ALOX15: variants seen among roughly 807,000 people sequenced by gnomAD.
The protein encoded by ALOX15 is arachidonate 15-lipoxygenase, also known as polyunsaturated fatty acid lipoxygenase ALOX15.
ALOX15 carries 68 observed loss-of-function variants against 71.7 expected under a neutral mutation model. The ratio of observed to expected loss-of-function variants is 0.95; its 90% CI spans 0.78 to 1.16. ALOX15 has a LOEUF of 1.16. ALOX15 is among the 50% of genes most tolerant of loss of function. ALOX15 has a pLI of 0.00. For synonymous variants in ALOX15, 346 were observed against 333.3 expected (o/e 1.04, Z -0.42); for missense variants, 798 against 818.8 (o/e 0.97, Z 0.31).
rs1040815472 is a variant in ALOX15 at position 4,631,487 on chromosome 17, GGAGGGTGGGACATGGGAA to G, written c.*95_*112del. 3.0e-6 allele frequency: 4 copies of G among 1,329,140 alleles called. No individual in the cohort carries two copies. Among genetic ancestry groups the G allele is most frequent in the Non-Finnish European group, 3.1e-6 (3 of 975,204 alleles). 82.3% of individuals were successfully genotyped at this position (1,329,140 alleles called of 1,614,324 possible). On this transcript the variant is annotated 3_prime_UTR_variant, in exon 14 of 14. Transcript: ENST00000293761. ...AGACCATGAAAAGGTGCCCCTCTAG[GGAGGGTGGGACATGGGAA>G]GAGGGTGGGACTTGGGAGGGCAGGG... is the stretch of plus-strand genomic sequence containing the variant.
chr17:4,641,442 C>G lies in ALOX15; in HGVS notation c.135+75G>C, dbSNP rs534970264. The stretch of plus-strand genomic sequence containing the variant: ...AGAATCGGCCAGAGGCCAACGGGGG[C>G]GCATGTCCTCCCCGGTATTTGACTG... On this transcript the variant is annotated intron_variant, in intron 1 of 13. Coordinates refer to ENST00000293761, the MANE Select transcript of ALOX15 (RefSeq NM_001140.5). The G allele has an allele frequency of 8.4e-6, 13 of 1,547,178 alleles. No individual in the cohort carries two copies. The Admixed American group carries it at 2.5e-4, about 30-fold the overall frequency.
chr17:4,638,518 G>T (rs1049576953), intron 5 of ALOX15, 63 bp downstream of exon 5: 31 of 1,546,314 alleles, frequency 2.0e-5, no homozygotes, highest in Non-Finnish European at 2.8e-5. Context: ...CAATTCCCCT[G>T]GGTTGGGTGG....
chr17:4,631,863 T>TA (rs772990092), intron 13 of ALOX15, 26 bp downstream of exon 13: 1 of 1,607,696 alleles, frequency 6.2e-7, no homozygotes, highest in Non-Finnish European at 8.5e-7. Context: ...CCTCCTTCCT[T>TA]AGGGCCCTGG....
chr17:4,641,158 A>C (rs1911310976), intron 1 of ALOX15, among the ~76,000 whole-genome samples: 1 of 151,164 alleles, frequency 6.6e-6, no homozygotes, highest in African/African-American at 2.4e-5. Flanking sequence ...AAAGGTAGAG[A>C]TCCAACAGCG....
At position 4,634,023 on chromosome 17, in the gene ALOX15, T is replaced by C. The variant is rs1040501689; in HGVS notation, c.1162-523A>G. Reference sequence around the variant, plus strand: ...AATAAGGGAACAACAGACACCAGCATCTACTTGTGGACAGAGGGTGGAAGG... The same window carrying C: ...AATAAGGGAACAACAGACACCAGCACCTACTTGTGGACAGAGGGTGGAAGG... On this transcript the variant is annotated intron_variant, in intron 8 of 13. Coordinates refer to ENST00000293761, the MANE Select transcript of ALOX15 (RefSeq NM_001140.5). 3.3e-5 allele frequency among the ~76,000 whole-genome samples: 5 copies of C among 152,200 alleles called. No homozygotes were observed. The East Asian group carries it at 5.8e-4, about 18-fold the overall frequency.
At chr17:4,637,040 C>T (rs1366303780) in intron 7 of ALOX15, 75 bp downstream of exon 7, 8 of 1,528,626 alleles carry the variant, frequency 5.2e-6, no homozygotes, top group African/African-American at 1.4e-5. Flanking sequence ...GCAGATGGTG[C>T]TCAGTAAATT....
rs1449229152 is a variant in ALOX15 at position 4,638,649 on chromosome 17, A to T, written c.578T>A (p.Val193Asp). The T allele has an allele frequency of 6.2e-7, 1 of 1,614,182 alleles. No individual in the cohort carries two copies. The highest frequency in any genetic ancestry group is 1.3e-5 in the African/African-American group (1 of 75,042). ...ADLAIKDSLNVLTCWKDLDDF... is the reference protein window; with the variant it reads ...ADLAIKDSLNDLTCWKDLDDF... ...ATCTAGATCCTTCCAGCAAGTCAGAACATTTAGAGAGTCTTTGATAGCGAG... is the reference window on the plus strand; with the variant it reads ...ATCTAGATCCTTCCAGCAAGTCAGATCATTTAGAGAGTCTTTGATAGCGAG... The change falls in exon 5 of 14, where the codon GTT becomes GAT. Residue 193 changes from valine to aspartate, a missense_variant. Physicochemically the swap from Val to Asp is radical, Grantham distance 152. Transcript: ENST00000293761.
chr17:4,634,336 T>A (rs1911016415), intron 8 of ALOX15, among the ~76,000 whole-genome samples: 2 of 152,286 alleles, frequency 1.3e-5, no homozygotes, highest in South Asian at 4.2e-4. Context: ...GGAGTCTTGC[T>A]CTGTTTCCCA....
In ALOX15 at chr17:4,633,218, T is replaced by C; in HGVS notation, c.1346A>G (p.Asp449Gly). The C allele has an allele frequency of 6.2e-7, 1 of 1,614,096 alleles. No individual in the cohort carries two copies. The highest frequency in any genetic ancestry group is 8.5e-7 in the Non-Finnish European group (1 of 1,180,030). Residue 449 changes from aspartate (D) to glycine (G), a missense_variant, in exon 10 of 14, where the codon GAC becomes GGC. Transcript: ENST00000293761. ...AGACTTCACTCCCAGGAGCCCCCGG[T>C]CGGCCAAGTCATCAGGGGGACAGAA... ...SSFCPPDDLA[D>G]RGLLGVKSSF... is the part of the protein sequence containing the mutation.
rs370512163 is a variant in ALOX15 at position 4,639,169 on chromosome 17, G to C, written c.338-37C>G. ...GAGGAGGACTTGGCCAGTGACTTTT[G>C]GTGAGCGCCTCTTCTTGTCTCTGCC... On this transcript the variant is annotated intron_variant, in intron 2 of 13. Coordinates refer to ENST00000293761, the MANE Select transcript of ALOX15 (RefSeq NM_001140.5). The C allele has an allele frequency of 4.4e-5, 71 of 1,611,048 alleles. No individual in the cohort carries two copies. In the African/African-American group the frequency reaches 9.2e-4, roughly 21 times the overall value.
chr17:4,631,881 G>A lies in ALOX15; in HGVS notation c.1809+8C>T. 2 of 1,609,822 alleles carry A rather than the reference G, an allele frequency of 1.2e-6. No homozygotes were observed. The highest frequency in any genetic ancestry group is 1.3e-5 in the African/African-American group (1 of 75,010). On this transcript the variant is annotated splice_region_variant and intron_variant, in intron 13 of 13. Coordinates refer to ENST00000293761, the MANE Select transcript of ALOX15 (RefSeq NM_001140.5). ...CCTTCCTTAGGGCCCTGGGCACTCA[G>A]CTCTCACCATAACGGGCTGGCGTCT...
At chr17:4,632,827 G>A (rs1349452078) in intron 11 of ALOX15, 34 bp downstream of exon 11, 1 of 1,613,654 alleles carries the variant, frequency 6.2e-7, no homozygotes, top group Non-Finnish European at 8.5e-7. Context: ...CTTGGGCTTT[G>A]TGTCTGAGAT....
Position 4,633,325 on chromosome 17 carries a change from G to GAGGGTGAGC in ALOX15, c.1249-19_1249-11dup. On this transcript the variant is annotated splice_polypyrimidine_tract_variant and intron_variant, in intron 9 of 13. Transcript: ENST00000293761. ...CACCAGTGCTCATTATCTGAGAAGT[G>GAGGGTGAGC]AGGGTGAGCAGGGTCAGGCGAATCG... 3.7e-6 allele frequency: 6 copies of GAGGGTGAGC among 1,612,778 alleles called. No individual in the cohort carries two copies. Among genetic ancestry groups the GAGGGTGAGC allele is most frequent in the Non-Finnish European group, 4.2e-6 (5 of 1,178,950 alleles).
chr17:4,632,433 GGGGAGTGGGGAGCTCTGCC>G, intron 11 of ALOX15, 152 bp from the exon 12 acceptor site: 2 of 696,650 alleles, frequency 2.9e-6, no homozygotes, highest in East Asian at 5.5e-5. Context: ...GGTTGGGGTG[GGGGAGTGGGGAGCTCTGCC>G]GGGAGGGTCC....
chr17:4,631,392 G>GAGGA lies in ALOX15; in HGVS notation c.*204_*207dup. The GAGGA allele has an allele frequency of 1.7e-6, 1 of 582,458 alleles. No homozygotes were observed. Among genetic ancestry groups the GAGGA allele is most frequent in the South Asian group, 2.4e-5 (1 of 41,912 alleles). 36.1% of individuals were successfully genotyped at this position (582,458 alleles called of 1,614,324 possible). On this transcript the variant is annotated 3_prime_UTR_variant, in exon 14 of 14. Coordinates refer to ENST00000293761, the MANE Select transcript of ALOX15 (RefSeq NM_001140.5). ...AGAGAGAGGAAGGAAGATAGGAAAG[G>GAGGA]AGGAAGGAAGGAAAGAGGAGTAAGG... is the stretch of plus-strand genomic sequence containing the variant.
At chr17:4,635,684 G>A in intron 8 of ALOX15, 75 bp downstream of exon 8, 1 of 1,425,330 alleles carries the variant, frequency 7.0e-7, no homozygotes, top group Non-Finnish European at 9.9e-7. Context: ...CCCACAGAGA[G>A]GGAGCCTCCA....
intron 1 of ALOX15, among the ~76,000 whole-genome samples, chr17:4,641,038 G>A (rs9903172): frequency 0.53 from 79,115 of 149,058 alleles, 22,368 homozygotes; most frequent in East Asian, 0.67. Context: ...CCCGGTAGAT[G>A]TGACATGAGA....
intron 13 of ALOX15, 36 bp downstream of exon 13, chr17:4,631,853 C>T (rs527725794): frequency 1.2e-6 from 2 of 1,607,186 alleles, no homozygotes; most frequent in South Asian, 1.1e-5. Flanking sequence ...CCCACAGCTG[C>T]CTCCTTCCTT....
rs781382881 is a variant in ALOX15 at position 4,633,180 on chromosome 17, G to A, written c.1384C>T (p.Gln462Ter). 2 of 1,614,112 alleles carry A rather than the reference G, an allele frequency of 1.2e-6. No individual in the cohort carries two copies. Among genetic ancestry groups the A allele is most frequent in the Admixed American group, 3.3e-5 (2 of 60,022 alleles). ...LLGVKSSFYA[Q>*]DALRLWEIIY... ...ATTTCCCAGAGCCGCAGCGCATCTT[G>A]GGCATAGAAGGAAGACTTCACTCCC... The change falls in exon 10 of 14, where the codon CAA becomes TAA. Residue 462 changes from glutamine to a stop codon, truncating the protein, a stop_gained. Transcript: ENST00000293761. LOFTEE classifies it high-confidence loss of function.
Sources: gnomAD v4.1 joint callset for allele counts (sites outside exome capture counted in the v4.1 genomes callset) on GRCh38, gnomAD v4.1.1 for gene constraint, MANE v1.5 for transcripts, NCBI Gene and HGNC (gene_info 2026-07-23, HGNC 2026-07-21) for gene names.